The following SUFU variants were observed in gnomAD, a reference collection of about 807,000 sequenced individuals.
The protein encoded by SUFU is suppressor of fused homolog.
In SUFU, 7 loss-of-function variants were observed where a neutral mutation model predicts 58.9. The ratio of observed to expected loss-of-function variants is 0.12; its 90% CI spans 0.07 to 0.22. SUFU has a LOEUF of 0.22. SUFU is among the 10% of genes least tolerant of loss of function. The pLI is 1.00. For missense variants in SUFU, 451 were observed against 641.3 expected (o/e 0.70, Z 3.20); for synonymous variants, 232 against 254.8 (o/e 0.91, Z 0.85).
At chr10:102,568,611 C>T (rs11191338) in intron 3 of SUFU, among the ~76,000 whole-genome samples, 6,887 of 151,872 alleles carry the variant, frequency 0.045, 505 homozygotes, top group African/African-American at 0.16. Flanking sequence ...CAGTGGCTCA[C>T]GCCTGTAATC....
chr10:102,542,085 T>C (rs1037269749), intron 2 of SUFU, among the ~76,000 whole-genome samples: 3 of 151,024 alleles, frequency 2.0e-5, no homozygotes, highest in African/African-American at 7.3e-5. Context: ...GGTTTCTCCA[T>C]GTTGGTCAGG....
rs1458382101 is a variant in SUFU, at chr10:102,619,265, T to C, written c.1296+1837T>C. The C allele has an allele frequency of 6.9e-7, 1 of 1,456,728 alleles. No homozygotes were observed. The highest frequency in any genetic ancestry group is 2.5e-5 in the East Asian group (1 of 39,918). 90.2% of individuals were successfully genotyped at this position (1,456,728 alleles called of 1,614,324 possible). On this transcript the variant is annotated intron_variant, in intron 10 of 11. Coordinates refer to ENST00000369902, the MANE Select transcript of SUFU (RefSeq NM_016169.4). This position sits in a 1 kb window ranked among gnomAD's most constrained non-coding sequence, Gnocchi z 4.2. ...TTCCCCAAGCCCCTGACCCCCTAGCTGCCGGGGTTCCCACTCCCAGTGCCA... is the reference window on the plus strand; with the variant it reads ...TTCCCCAAGCCCCTGACCCCCTAGCCGCCGGGGTTCCCACTCCCAGTGCCA...
chr10:102,630,660 T>G lies in SUFU; in HGVS notation c.*505T>G, dbSNP rs116570216. ...TGTTTGGTTTTCTTCTTCCTTATTT[T>G]ATTTTGTAGAAACCGGGTGGTATTT... On this transcript the variant is annotated 3_prime_UTR_variant, in exon 12 of 12. Coordinates refer to ENST00000369902, the MANE Select transcript of SUFU (RefSeq NM_016169.4). 2.3e-3 allele frequency: 674 copies of G among 298,470 alleles called. 8 individuals are homozygous for G. Among genetic ancestry groups the G allele is most frequent in the African/African-American group, 0.013 (619 of 48,224 alleles). The allele number at this position is 298,470 out of a possible 1,614,324, so 18.5% of individuals were successfully genotyped here. A position where few individuals can be genotyped will look rare whatever the true frequency, so the allele number is the denominator to read the frequency against.
chr10:102,504,342 C>T lies in SUFU; in HGVS notation c.182+8C>T, dbSNP rs751208244. 1.2e-6 allele frequency: 2 copies of T among 1,614,070 alleles called. No individual in the cohort carries two copies. The highest frequency in any genetic ancestry group is 2.2e-5 in the East Asian group (1 of 44,870). ...CGCTATCGTCAAGTACTGGTATGCTCTGGGCCGCGGGGAGACGGACAGGCG... is the reference window on the plus strand; with the variant it reads ...CGCTATCGTCAAGTACTGGTATGCTTTGGGCCGCGGGGAGACGGACAGGCG... On this transcript the variant is annotated splice_region_variant and intron_variant, in intron 1 of 11. Transcript: ENST00000369902.
At chr10:102,557,965 A>G (rs1024223586) in intron 3 of SUFU, among the ~76,000 whole-genome samples, 4 of 151,752 alleles carry the variant, frequency 2.6e-5, no homozygotes, top group African/African-American at 9.7e-5. Context: ...CAGTGACACA[A>G]TTCCAGCTCA....
chr10:102,546,781 C>T (rs750393310), intron 2 of SUFU, among the ~76,000 whole-genome samples: 40 of 152,230 alleles, frequency 2.6e-4, no homozygotes, highest in Non-Finnish European at 5.3e-4. Context: ...AGGTTGCGTC[C>T]AGCCAGCCCG....
intron 11 of SUFU, 149 bp downstream of exon 11, chr10:102,627,392 C>T (rs1193154224): frequency 2.5e-6 from 2 of 809,608 alleles, no homozygotes; most frequent in Non-Finnish European, 4.3e-6. Context: ...CTGTGGGCTC[C>T]TCCCCAAGGT....
At position 102,619,880 on chromosome 10, in the gene SUFU, C is replaced by T. The variant is rs2063725410; in HGVS notation, c.1296+2452C>T. ...GACCTCCTAGAGGCCTGGGGTTAGA[C>T]TTGCAGTCGCCAGTGAGGGCCACTC... On this transcript the variant is annotated intron_variant, in intron 10 of 11. Transcript: ENST00000369902. This position sits in a 1 kb window ranked among gnomAD's most constrained non-coding sequence, Gnocchi z 4.2. 6.6e-6 allele frequency among the ~76,000 whole-genome samples: 1 copy of T among 152,134 alleles called. No homozygotes were observed. The highest frequency in any genetic ancestry group is 6.5e-5 in the Admixed American group (1 of 15,272).
intron 3 of SUFU, among the ~76,000 whole-genome samples, chr10:102,553,656 G>A (rs187793305): frequency 6.6e-6 from 1 of 152,078 alleles, no homozygotes; most frequent in African/African-American, 2.4e-5. Flanking sequence ...GTAGAGATGG[G>A]GCTTCACTGT....
At chr10:102,531,230 G>A (rs1270731712) in intron 2 of SUFU, among the ~76,000 whole-genome samples, 3 of 152,076 alleles carry the variant, frequency 2.0e-5, no homozygotes, top group African/African-American at 7.2e-5. Context: ...ACTCCAGCCT[G>A]GGCAACAGAG....
chr10:102,618,929 A>AGCGT lies in SUFU; in HGVS notation c.1296+1503_1296+1506dup, dbSNP rs1554854929. On this transcript the variant is annotated intron_variant, in intron 10 of 11. Transcript: ENST00000369902. The stretch of plus-strand genomic sequence containing the variant: ...TCATCATTCCCAAGTGTCCTCAGGT[A>AGCGT]GCGTGTGTGTGTGTGTGTGTGTGTG... 13 of 619,692 alleles carry AGCGT rather than the reference A, an allele frequency of 2.1e-5. No homozygotes were observed. The Admixed American group carries it at 2.6e-4, about 13-fold the overall frequency. 38.4% of individuals were successfully genotyped at this position (619,692 alleles called of 1,614,324 possible). A position where few individuals can be genotyped will look rare whatever the true frequency, so the allele number is the denominator to read the frequency against.
At chr10:102,571,338 A>G (rs373359120) in intron 3 of SUFU, among the ~76,000 whole-genome samples, 2 of 152,152 alleles carry the variant, frequency 1.3e-5, no homozygotes, top group East Asian at 1.9e-4. Flanking sequence ...GCTGGGGATG[A>G]GGCCAACCAA....
At chr10:102,556,254 C>A (rs2062975752) in intron 3 of SUFU, among the ~76,000 whole-genome samples, 1 of 152,140 alleles carries the variant, frequency 6.6e-6, no homozygotes, top group South Asian at 2.1e-4. Context: ...ACTCAGATGG[C>A]TTCTATAACA....
intron 3 of SUFU, among the ~76,000 whole-genome samples, chr10:102,581,180 CAAAAAAAAAAAAAAAA>C (rs71016393): frequency 1.9e-4 from 14 of 75,662 alleles, no homozygotes; most frequent in Admixed American, 6.5e-4. Flanking sequence ...ACTCTGTCTC[CAAAAAAAAAAAAAAAA>C]AAAAAAAAAA....
chr10:102,504,990 C>T (rs1283355551), intron 1 of SUFU, among the ~76,000 whole-genome samples: 1 of 152,174 alleles, frequency 6.6e-6, no homozygotes, highest in Non-Finnish European at 1.5e-5. Flanking sequence ...TTACTCTGCA[C>T]TGTTCTCTTT....
At position 102,504,078 on chromosome 10, in the gene SUFU, C is replaced by T. The variant is rs1454721180; in HGVS notation, c.-75C>T. On this transcript the variant is annotated 5_prime_UTR_variant, in exon 1 of 12. Transcript: ENST00000369902. ...CTCGGGGAGTCTCACCCACCGAGTC[C>T]GCCCGCTGGCCCGTCAGTGCTCTCC... 4.1e-6 allele frequency: 6 copies of T among 1,479,990 alleles called. No individual in the cohort carries two copies. In the East Asian group the frequency reaches 9.9e-5, roughly 25 times the overall value. 91.7% of individuals were successfully genotyped at this position (1,479,990 alleles called of 1,614,324 possible).
At position 102,585,951 on chromosome 10, in the gene SUFU, C is replaced by T. The variant is rs2063331779; in HGVS notation, c.455-6631C>T. Among the ~76,000 whole-genome samples the T allele has an allele frequency of 4.7e-5, 7 of 149,088 alleles. No homozygotes were observed. In the South Asian group the frequency reaches 1.5e-3, roughly 31 times the overall value. ...CCAGGCTGGAAGGCAATGGCACGAT[C>T]CTGGCTCACTGCAACCTCTGCCTTC... On this transcript the variant is annotated intron_variant, in intron 3 of 11. Coordinates refer to ENST00000369902, the MANE Select transcript of SUFU (RefSeq NM_016169.4).
At chr10:102,525,400 G>A (rs1337412524) in intron 2 of SUFU, among the ~76,000 whole-genome samples, 5 of 152,136 alleles carry the variant, frequency 3.3e-5, no homozygotes, top group African/African-American at 4.8e-5. Context: ...ATGAGCCACC[G>A]TATCTGGCCT....
At chr10:102,588,484 G>A (rs10444023) in intron 3 of SUFU, among the ~76,000 whole-genome samples, 151,195 of 152,298 alleles carry the variant, frequency 0.99, 75,055 homozygotes, top group East Asian at 1. Context: ...TCAAATGTCT[G>A]TCCTTATGCC....
Sources: allele counts gnomAD v4.1 joint callset (sites outside exome capture counted in the v4.1 genomes callset), GRCh38; gene constraint gnomAD v4.1.1; non-coding constraint Gnocchi (gnomAD v3.1); transcripts MANE v1.5; gene names NCBI Gene and HGNC (gene_info 2026-07-23, HGNC 2026-07-21).